Variants in APOLD1 observed in about 807,000 individuals in gnomAD.
The protein encoded by APOLD1 is apolipoprotein L domain-containing protein 1.
APOLD1 carries 22 observed loss-of-function variants against 15.3 expected under a neutral mutation model. The ratio of observed to expected loss-of-function variants is 1.44; its 90% confidence interval spans 1.03 to 2.05. APOLD1 has a LOEUF of 2.05. APOLD1 is among the 30% of genes most tolerant of loss of function. The pLI is 0.00. For missense variants in APOLD1, 394 were observed against 353.5 expected (o/e 1.11, Z -0.92); for synonymous variants, 190 against 167.4 (o/e 1.13, Z -1.04).
chr12:12,746,930 A>C (rs1246345123), intron 1 of APOLD1, among the ~76,000 whole-genome samples: 2 of 152,156 alleles, frequency 1.3e-5, no homozygotes, highest in Admixed American at 6.5e-5. Context: ...TGCTTAGGTT[A>C]ATGGTCCCCA....
Position 12,727,455 on chromosome 12 carries a change from G to A in APOLD1, c.96+1359G>A, listed in dbSNP as rs1422434122. Among the ~76,000 whole-genome samples, 4 of 152,118 alleles carry A rather than the reference G, an allele frequency of 2.6e-5. No homozygotes were observed. In the South Asian group the frequency reaches 8.3e-4, roughly 31 times the overall value. ...ACATTACTGTTCAAGACTATCACCTGTGGTAACTTGAGGCCCCATCTTTAA... is the reference window on the plus strand; with the variant it reads ...ACATTACTGTTCAAGACTATCACCTATGGTAACTTGAGGCCCCATCTTTAA... On this transcript the variant is annotated intron_variant, in intron 1 of 1. Coordinates refer to the APOLD1 transcript ENST00000326765.
chr12:12,731,132 C>A (rs149713111), intron 1 of APOLD1, among the ~76,000 whole-genome samples: 1 of 152,044 alleles, frequency 6.6e-6, no homozygotes, highest in Non-Finnish European at 1.5e-5. Flanking sequence ...CAGAGCAAGA[C>A]GCCATCTCAA....
intron 1 of APOLD1, among the ~76,000 whole-genome samples, chr12:12,746,715 G>A (rs1041919544): frequency 2.0e-5 from 3 of 152,078 alleles, no homozygotes; most frequent in Non-Finnish European, 2.9e-5. Context: ...GCTGAGGCTT[G>A]GGTTTCTGGA....
At chr12:12,728,953 C>T (rs1592286391) in intron 1 of APOLD1, among the ~76,000 whole-genome samples, 1 of 152,164 alleles carries the variant, frequency 6.6e-6, no homozygotes, top group African/African-American at 2.4e-5. Flanking sequence ...TGGCAGTCCT[C>T]CCTAATTCAT....
At chr12:12,757,370 G>A (rs16908404) in intron 1 of APOLD1, among the ~76,000 whole-genome samples, 18,010 of 152,198 alleles carry the variant, frequency 0.12, 1,192 homozygotes, top group African/African-American at 0.18. Flanking sequence ...ACAATGTTCA[G>A]CTAACCCCGC....
intron 1 of APOLD1, among the ~76,000 whole-genome samples, chr12:12,750,275 G>A (rs1203189685): frequency 6.6e-6 from 1 of 150,648 alleles, no homozygotes; most frequent in African/African-American, 2.4e-5. Context: ...GGGAGGCTGA[G>A]GCAGGAGAAT....
chr12:12,732,062 T>C (rs546318503), intron 1 of APOLD1, among the ~76,000 whole-genome samples: 1 of 152,254 alleles, frequency 6.6e-6, no homozygotes, highest in Non-Finnish European at 1.5e-5. Context: ...TTAAGTTTAA[T>C]GCCTGTACGT....
chr12:12,737,693 G>A lies in APOLD1; in HGVS notation c.96+11597G>A, dbSNP rs149576287. ...GAAAGTGAGAAGGAGGGAGCTGGGCGCTTATCTTTGGCATATCCTCAGCTG... is the reference window on the plus strand; with the variant it reads ...GAAAGTGAGAAGGAGGGAGCTGGGCACTTATCTTTGGCATATCCTCAGCTG... On this transcript the variant is annotated intron_variant, in intron 1 of 1. Coordinates refer to the APOLD1 transcript ENST00000326765. Among the ~76,000 whole-genome samples the A allele has an allele frequency of 6.0e-4, 91 of 152,240 alleles. 1 individual carries two copies. In the East Asian group the frequency reaches 9.7e-3, roughly 16 times the overall value.
intron 1 of APOLD1, among the ~76,000 whole-genome samples, chr12:12,759,100 C>T (rs574788192): frequency 1.6e-4 from 24 of 152,204 alleles, no homozygotes; most frequent in African/African-American, 4.6e-4. Context: ...CAGGATGGCA[C>T]GAGATTTCAT....
At chr12:12,732,546 G>A (rs1277129575) in intron 1 of APOLD1, among the ~76,000 whole-genome samples, 5 of 151,950 alleles carry the variant, frequency 3.3e-5, no homozygotes, top group African/African-American at 4.8e-5. Flanking sequence ...CCAACATGGC[G>A]AAACCCCGTC....
chr12:12,740,796 T>A (rs1299147254), intron 1 of APOLD1, among the ~76,000 whole-genome samples: 2 of 152,296 alleles, frequency 1.3e-5, no homozygotes, highest in East Asian at 1.9e-4. Flanking sequence ...AATCTTTTTT[T>A]ATAATTTTCC....
In APOLD1 at chr12:12,775,757, T is replaced by G. The variant is rs112827933; in HGVS notation, c.97-11152T>G. Among the ~76,000 whole-genome samples, 16 of 152,276 alleles carry G rather than the reference T, an allele frequency of 1.1e-4. 1 individual carries two copies. Among genetic ancestry groups the G allele is most frequent in the African/African-American group, 3.8e-4 (16 of 41,570 alleles). On this transcript the variant is annotated intron_variant, in intron 1 of 1. Coordinates refer to the APOLD1 transcript ENST00000326765. ...GCTTATGCCTGTAATCCCAGCACTT[T>G]TGGAGACCAAGGCGAGAGGATTGCT...
intron 1 of APOLD1, among the ~76,000 whole-genome samples, chr12:12,776,834 C>T (rs1947039253): frequency 6.6e-6 from 1 of 152,086 alleles, no homozygotes; most frequent in Admixed American, 6.6e-5. Flanking sequence ...GAATTAAAAA[C>T]AGGTAAACTG....
At chr12:12,775,527 G>A (rs1187584655) in intron 1 of APOLD1, among the ~76,000 whole-genome samples, 1 of 152,192 alleles carries the variant, frequency 6.6e-6, no homozygotes, top group African/African-American at 2.4e-5. Flanking sequence ...TTATGCATGT[G>A]TGAGGGCAGG....
At chr12:12,743,181 G>T (rs1946740986) in intron 1 of APOLD1, among the ~76,000 whole-genome samples, 1 of 152,214 alleles carries the variant, frequency 6.6e-6, no homozygotes, top group Admixed American at 6.5e-5. Flanking sequence ...AGTGTTGTTT[G>T]CTAATGTATT....
At chr12:12,738,545 T>C (rs114721151) in intron 1 of APOLD1, among the ~76,000 whole-genome samples, 1,919 of 152,276 alleles carry the variant, frequency 0.013, 35 homozygotes, top group African/African-American at 0.043. Context: ...CTTAAAACGG[T>C]GTCCTTTTAA....
At chr12:12,781,715 G>A (rs1947082869), upstream of APOLD1, among the ~76,000 whole-genome samples, 1 of 151,244 alleles carries the variant, frequency 6.6e-6, no homozygotes, top group Non-Finnish European at 1.5e-5. Flanking sequence ...TTTTGGTAGA[G>A]ACGGGGTTTC....
intron 1 of APOLD1, chr12:12,771,409 T>C (rs570915696): frequency 2.6e-5 from 10 of 390,926 alleles, no homozygotes; most frequent in South Asian, 1.9e-4. Context: ...AAAATCATCA[T>C]TATTATCCCA....
chr12:12,780,969 T>C (rs17314504), upstream of APOLD1, among the ~76,000 whole-genome samples: 8,834 of 151,898 alleles, frequency 0.058, 371 homozygotes, highest in Admixed American at 0.12. Context: ...GAAAAAGTCA[T>C]CATCACATAA....
Sources: allele counts gnomAD v4.1 joint callset (sites outside exome capture counted in the v4.1 genomes callset), GRCh38; gene constraint gnomAD v4.1.1; transcripts MANE v1.5; gene names NCBI Gene and HGNC (gene_info 2026-07-23, HGNC 2026-07-21).